Variants in CSMD1 observed in about 807,000 individuals in gnomAD.
CSMD1 encodes the protein CUB and sushi domain-containing protein 1.
A neutral mutation model predicts 417.5 loss-of-function variants in CSMD1; 213 were observed. The observed-to-expected ratio is 0.51, with a 90% CI of 0.46 to 0.57. CSMD1 has a LOEUF of 0.57. Ranked by LOEUF, CSMD1 falls within the 20% of genes least tolerant of loss-of-function variation. The pLI, the probability that CSMD1 is intolerant of heterozygous loss-of-function variation, is 0.00. For missense variants in CSMD1, 6,923 were observed against 4,529.7 expected, an observed-to-expected ratio of 1.53 and a Z score of -15.17; for synonymous variants, 2,862 against 1,736.8, an observed-to-expected ratio of 1.65 and a Z score of -16.11.
chr8:3,314,670 C>T (rs1584984312), intron 23 of CSMD1, among the ~76,000 whole-genome samples: 2 of 152,216 alleles, frequency 1.3e-5, no homozygotes, highest in South Asian at 4.1e-4. Context: ...AAGCTCCAAA[C>T]ATTCAGCTGA....
chr8:3,382,794 C>T (rs560838227), intron 18 of CSMD1, among the ~76,000 whole-genome samples: 11 of 151,652 alleles, frequency 7.3e-5, no homozygotes, highest in Admixed American at 5.9e-4. Context: ...GGTTGTCTGA[C>T]CCTTTATTTT....
At chr8:3,581,798 T>C (rs1800394102) in intron 9 of CSMD1, among the ~76,000 whole-genome samples, 1 of 150,760 alleles carries the variant, frequency 6.6e-6, no homozygotes. Flanking sequence ...TGATGCTGTC[T>C]TTTTTTTTTC....
intron 4 of CSMD1, among the ~76,000 whole-genome samples, chr8:4,016,905 A>C (rs1796550340): frequency 6.6e-6 from 1 of 152,200 alleles, no homozygotes; most frequent in Non-Finnish European, 1.5e-5. Context: ...ACACAATCCC[A>C]AATGCCATAA....
intron 68 of CSMD1, among the ~76,000 whole-genome samples, chr8:2,944,345 G>T (rs1017415130): frequency 9.9e-5 from 15 of 152,192 alleles, no homozygotes; most frequent in African/African-American, 3.6e-4. Flanking sequence ...GTGTGTGTAT[G>T]TGTGCACTGA....
intron 3 of CSMD1, among the ~76,000 whole-genome samples, chr8:4,278,242 T>C (rs529390447): frequency 7.9e-5 from 12 of 152,290 alleles, no homozygotes; most frequent in Admixed American, 2.0e-4. Flanking sequence ...TGAAGTATAG[T>C]GATTAAAATT....
intron 10 of CSMD1, among the ~76,000 whole-genome samples, chr8:3,529,643 C>T (rs759857399): frequency 3.3e-5 from 5 of 152,176 alleles, no homozygotes; most frequent in Admixed American, 6.5e-5. Flanking sequence ...ATAGTGTTTG[C>T]TTTGAGGAAG....
chr8:4,877,246 A>G (rs1170273268), intron 1 of CSMD1, among the ~76,000 whole-genome samples: 1 of 152,080 alleles, frequency 6.6e-6, no homozygotes, highest in African/African-American at 2.4e-5. Flanking sequence ...ACAGATGTAC[A>G]TAAGAAGATC....
At chr8:3,094,416 T>A (rs1036282522) in intron 47 of CSMD1, among the ~76,000 whole-genome samples, 1 of 152,216 alleles carries the variant, frequency 6.6e-6, no homozygotes, top group African/African-American at 2.4e-5. Context: ...GTTTTAGGTA[T>A]TCTTAATCCA....
At chr8:4,115,154 C>T (rs542682496) in intron 3 of CSMD1, among the ~76,000 whole-genome samples, 8 of 152,162 alleles carry the variant, frequency 5.3e-5, no homozygotes, top group Non-Finnish European at 8.8e-5. Flanking sequence ...ATCAATATCT[C>T]ATTTTAAGAA....
chr8:4,817,958 G>T (rs1372952234), intron 1 of CSMD1, among the ~76,000 whole-genome samples: 1 of 152,052 alleles, frequency 6.6e-6, no homozygotes, highest in South Asian at 2.1e-4. Context: ...CCTAGCATTA[G>T]GTACAGTTAA....
intron 41 of CSMD1, 78 bp from the exon 42 acceptor site, chr8:3,118,665 C>T (rs2129019209): frequency 7.9e-7 from 1 of 1,264,418 alleles, no homozygotes; most frequent in South Asian, 1.4e-5. Context: ...AGTGTCATCA[C>T]ATGTGACTGC....
intron 36 of CSMD1, among the ~76,000 whole-genome samples, chr8:3,185,558 T>C (rs550307645): frequency 1.3e-5 from 2 of 152,362 alleles, no homozygotes; most frequent in South Asian, 4.1e-4. Context: ...TTTGAAAAAT[T>C]AACCTATTTC....
intron 25 of CSMD1, among the ~76,000 whole-genome samples, chr8:3,290,473 T>A (rs1803466256): frequency 1.1e-5 from 1 of 92,344 alleles, no homozygotes; most frequent in Admixed American, 1.2e-4. Context: ...GGAATGTTCT[T>A]CCATTTGTTT....
chr8:3,763,257 C>T (rs1052588994), intron 5 of CSMD1, among the ~76,000 whole-genome samples: 5 of 152,130 alleles, frequency 3.3e-5, no homozygotes, highest in African/African-American at 9.7e-5. Flanking sequence ...GGTGCTTATA[C>T]TTCGGATATT....
At chr8:3,770,466 T>C (rs781176901) in intron 5 of CSMD1, among the ~76,000 whole-genome samples, 16 of 151,942 alleles carry the variant, frequency 1.1e-4, no homozygotes, top group Non-Finnish European at 1.6e-4. Flanking sequence ...GAGGCAGAGA[T>C]TGCAGTGAGC....
intron 23 of CSMD1, among the ~76,000 whole-genome samples, chr8:3,340,043 T>C (rs56171168): frequency 0.36 from 54,737 of 152,040 alleles, 10,380 homozygotes; most frequent in Admixed American, 0.41. Flanking sequence ...GATACTCTGG[T>C]TTTTCTTCCC....
At chr8:4,037,913 G>C (rs1377905242) in intron 3 of CSMD1, among the ~76,000 whole-genome samples, 1 of 151,922 alleles carries the variant, frequency 6.6e-6, no homozygotes, top group Non-Finnish European at 1.5e-5. Context: ...TAAGCTTAGT[G>C]GGAATAGGAA....
At chr8:4,958,852 G>C (rs1809292559) in intron 1 of CSMD1, among the ~76,000 whole-genome samples, 1 of 152,070 alleles carries the variant, frequency 6.6e-6, no homozygotes, top group Admixed American at 6.6e-5. Flanking sequence ...ATGTCCTTTA[G>C]TCAAAGAAAG....
chr8:3,859,269 T>A (rs747962698), intron 5 of CSMD1, among the ~76,000 whole-genome samples: 6 of 152,132 alleles, frequency 3.9e-5, no homozygotes, highest in Non-Finnish European at 8.8e-5. Context: ...CACTGGTGAG[T>A]CTTTCTAGTT....
Sources: allele counts gnomAD v4.1 joint callset (sites outside exome capture counted in the v4.1 genomes callset), GRCh38; gene constraint gnomAD v4.1.1; transcripts MANE v1.5; gene names NCBI Gene and HGNC (gene_info 2026-07-23, HGNC 2026-07-21).